The following SLC39A10 variants were observed in gnomAD, a reference collection of about 807,000 sequenced individuals.
SLC39A10 encodes solute carrier family 39 member 10.
Under a neutral mutation model 65.1 loss-of-function variants are expected in SLC39A10, and 13 were observed. That is an observed-to-expected ratio of 0.20 (90% CI 0.13 to 0.32). The LOEUF is 0.32. Ranked by LOEUF, SLC39A10 falls within the 10% of genes least tolerant of loss-of-function variation. SLC39A10 has a pLI of 1.00. For missense variants in SLC39A10, 831 were observed against 1,018.4 expected (o/e 0.82, Z 2.50); for synonymous variants, 321 against 342.2 (o/e 0.94, Z 0.68).
chr2:195,709,735 C>T (rs1289807322), intron 5 of SLC39A10, among the ~76,000 whole-genome samples: 1 of 152,126 alleles, frequency 6.6e-6, no homozygotes, highest in African/African-American at 2.4e-5. Context: ...AATCAAGATA[C>T]AGCAGTCTCA....
chr2:195,733,283 A>G (rs1392403416), intron 9 of SLC39A10, among the ~76,000 whole-genome samples: 2 of 152,234 alleles, frequency 1.3e-5, no homozygotes, highest in African/African-American at 4.8e-5. Context: ...TCTGTAGATA[A>G]TGACTGCAAA....
At position 195,720,779 on chromosome 2, in the gene SLC39A10, G is replaced by A. The variant is rs34804425; in HGVS notation, c.2146+2447G>A. ...CCTTTATCCAGACCAAGTCATCACC[G>A]CCTTTGTGGTGTTTTTGCTTAGACA... On this transcript the variant is annotated intron_variant, in intron 8 of 9. Coordinates refer to ENST00000359634, the MANE Select transcript of SLC39A10 (RefSeq NM_020342.3). 7.2e-5 allele frequency among the ~76,000 whole-genome samples: 11 copies of A among 152,036 alleles called. No individual in the cohort carries two copies. The South Asian group carries it at 1.0e-3, about 14-fold the overall frequency.
chr2:195,727,678 A>G (rs764225727), intron 8 of SLC39A10, among the ~76,000 whole-genome samples: 1 of 152,168 alleles, frequency 6.6e-6, no homozygotes, highest in Non-Finnish European at 1.5e-5. Context: ...AGCGGTGACC[A>G]TGTTTTTTTC....
chr2:195,695,895 A>G (rs1299298277), intron 3 of SLC39A10, among the ~76,000 whole-genome samples: 1 of 152,208 alleles, frequency 6.6e-6, no homozygotes, highest in East Asian at 1.9e-4. Flanking sequence ...GTTTTCTTCT[A>G]AGAGTTTTAT....
chr2:195,657,151 C>G (rs1450719135), upstream of SLC39A10: 2 of 154,778 alleles, frequency 1.3e-5, no homozygotes, highest in Admixed American at 1.3e-4. Context: ...ACGCCGCAAG[C>G]GTAGCAGGGT....
chr2:195,666,336 G>A (rs1050804238), intron 1 of SLC39A10, among the ~76,000 whole-genome samples: 1 of 152,116 alleles, frequency 6.6e-6, no homozygotes, highest in African/African-American at 2.4e-5. Flanking sequence ...TTTTTACAAT[G>A]GCAAGCTGGT....
intron 1 of SLC39A10, among the ~76,000 whole-genome samples, chr2:195,669,512 T>C (rs918090788): frequency 1.3e-5 from 2 of 152,156 alleles, no homozygotes; most frequent in African/African-American, 4.8e-5. Flanking sequence ...CATTCTACAT[T>C]TTTATTATGT....
At chr2:195,636,880 T>C (rs981122008) in intron 2 of SLC39A10, among the ~76,000 whole-genome samples, 6 of 151,878 alleles carry the variant, frequency 4.0e-5, no homozygotes, top group Non-Finnish European at 8.8e-5. Context: ...CATAAAAAAT[T>C]AAAAAAAATA....
At chr2:195,704,982 C>A (rs1307877657) in intron 3 of SLC39A10, among the ~76,000 whole-genome samples, 1 of 151,886 alleles carries the variant, frequency 6.6e-6, no homozygotes, top group Non-Finnish European at 1.5e-5. Context: ...ATTTTTATTC[C>A]ATATGGAGTT....
chr2:195,710,752 G>A (rs911222769), intron 5 of SLC39A10, among the ~76,000 whole-genome samples: 4 of 152,156 alleles, frequency 2.6e-5, no homozygotes, highest in African/African-American at 7.2e-5. Context: ...TAGAAAAGAA[G>A]AATGATAAAA....
chr2:195,628,160 C>T (rs1222506701), intron 2 of SLC39A10, among the ~76,000 whole-genome samples: 1 of 152,064 alleles, frequency 6.6e-6, no homozygotes, highest in Non-Finnish European at 1.5e-5. Flanking sequence ...TTAGATGTTC[C>T]CTCTACCCTG....
rs931774584 is a variant in SLC39A10, at chr2:195,736,298, G to A, written c.*1257G>A. 6.2e-6 allele frequency: 1 copy of A among 162,374 alleles called. No homozygotes were observed. Among genetic ancestry groups the A allele is most frequent in the Non-Finnish European group, 1.5e-5 (1 of 68,094 alleles). 10.1% of individuals were successfully genotyped at this position (162,374 alleles called of 1,614,324 possible). On this transcript the variant is annotated 3_prime_UTR_variant, in exon 10 of 10. Coordinates refer to ENST00000359634, the MANE Select transcript of SLC39A10 (RefSeq NM_020342.3). Reference sequence around the variant, plus strand: ...TGTGAATGATTTGTGAGAAGTGCAAGCCATGTTTATCCTGAATTTTTACTT... The same window carrying A: ...TGTGAATGATTTGTGAGAAGTGCAAACCATGTTTATCCTGAATTTTTACTT...
intron 3 of SLC39A10, among the ~76,000 whole-genome samples, chr2:195,700,464 T>C (rs1691134397): frequency 6.6e-6 from 1 of 152,238 alleles, no homozygotes; most frequent in Non-Finnish European, 1.5e-5. Context: ...TTTGAATTTA[T>C]ATCATTTTAA....
At chr2:195,670,107 G>A (rs576021458) in intron 1 of SLC39A10, among the ~76,000 whole-genome samples, 7 of 152,138 alleles carry the variant, frequency 4.6e-5, no homozygotes, top group East Asian at 3.9e-4. Context: ...TGCAGTGAGC[G>A]GAGATCATGC....
Position 195,680,516 on chromosome 2 carries a change from G to C in SLC39A10, c.474G>C (p.Glu158Asp), listed in dbSNP as rs566970206. Reference sequence around the variant, plus strand: ...ACCATAAATGTGATCCAGAGAAAGAGACAGTTGAAGTGTCTGTAAAATCTG... The same window carrying C: ...ACCATAAATGTGATCCAGAGAAAGACACAGTTGAAGTGTCTGTAAAATCTG... ...KRNHKCDPEK[E>D]TVEVSVKSDD... The change falls in exon 2 of 10, where the codon GAG (glutamate) becomes GAC (aspartate). Residue 158 changes from glutamate (E) to aspartate (D), a missense_variant. Glu to Asp is a conservative substitution (Grantham distance 45). This residue lies in a region of SLC39A10 where 446 missense variants were observed against 499.2 expected (regional missense o/e 0.89). Transcript: ENST00000359634. 3 of 1,614,164 alleles carry C rather than the reference G, an allele frequency of 1.9e-6. No individual in the cohort carries two copies. The African/African-American group carries it at 4.0e-5, about 22-fold the overall frequency.
Position 195,728,026 on chromosome 2 carries a change from T to C in SLC39A10, c.2147-133T>C. The C allele has an allele frequency of 1.2e-6, 1 of 801,086 alleles. No individual in the cohort carries two copies. Among genetic ancestry groups the C allele is most frequent in the African/African-American group, 1.7e-5 (1 of 57,820 alleles). 49.6% of individuals were successfully genotyped at this position (801,086 alleles called of 1,614,324 possible). A position where few individuals can be genotyped will look rare whatever the true frequency, so the allele number is the denominator to read the frequency against. ...GCATTATGGTTTAATAAGTAAAATA[T>C]TTTATATATCACATAAAATACTGTT... On this transcript the variant is annotated intron_variant, in intron 8 of 9. Coordinates refer to ENST00000359634, the MANE Select transcript of SLC39A10 (RefSeq NM_020342.3). The surrounding 1 kb of genome is among the most constrained non-coding windows in gnomAD (Gnocchi z 4.4).
chr2:195,697,153 G>A lies in SLC39A10; in HGVS notation c.1217-9463G>A, dbSNP rs985567954. ...ATATCCATGTATTAAGTGGATCCTC[G>A]CAGTTCAAACCCATGTTGCTCAATG... is the stretch of plus-strand genomic sequence containing the variant. On this transcript the variant is annotated intron_variant, in intron 3 of 9. Coordinates refer to ENST00000359634, the MANE Select transcript of SLC39A10 (RefSeq NM_020342.3). 1.7e-4 allele frequency among the ~76,000 whole-genome samples: 26 copies of A among 151,960 alleles called. 1 individual carries two copies. The highest frequency in any genetic ancestry group is 1.4e-3 in the Admixed American group (22 of 15,246).
intron 2 of SLC39A10, among the ~76,000 whole-genome samples, chr2:195,630,696 A>G (rs1688568054): frequency 6.6e-6 from 1 of 152,270 alleles, no homozygotes; most frequent in Non-Finnish European, 1.5e-5. Flanking sequence ...ATTATGTATC[A>G]TAACACCACA....
At chr2:195,659,277 CAAT>C (rs1330985393) in intron 1 of SLC39A10, among the ~76,000 whole-genome samples, 2 of 152,126 alleles carry the variant, frequency 1.3e-5, no homozygotes, top group Non-Finnish European at 2.9e-5. Context: ...GAAATGACAT[CAAT>C]AATAGATTGC....
Sources: allele counts gnomAD v4.1 joint callset (sites outside exome capture counted in the v4.1 genomes callset), GRCh38; gene constraint gnomAD v4.1.1; regional missense constraint gnomAD v4.1.1; non-coding constraint Gnocchi (gnomAD v3.1); transcripts MANE v1.5; gene names NCBI Gene and HGNC (gene_info 2026-07-23, HGNC 2026-07-21).